NDUFB9: variants seen among roughly 807,000 people sequenced by gnomAD.
The protein encoded by NDUFB9 is NADH:ubiquinone oxidoreductase subunit B9.
In NDUFB9, 24 loss-of-function variants were observed where a neutral mutation model predicts 30.2. The ratio of observed to expected loss-of-function variants is 0.80; its 90% CI spans 0.58 to 1.12. The LOEUF (loss-of-function observed/expected upper bound fraction) is 1.12, where lower values mean the gene tolerates loss of function less well. NDUFB9 is among the 50% of genes most tolerant of loss of function. NDUFB9 has a pLI of 0.00. For synonymous variants in NDUFB9, 80 were observed against 84.0 expected (o/e 0.95, Z 0.26); for missense variants, 204 against 226.0 (o/e 0.90, Z 0.62).
At chr8:124,544,758 G>C (rs1384165787) in intron 2 of NDUFB9, among the ~76,000 whole-genome samples, 1 of 152,154 alleles carries the variant, frequency 6.6e-6, no homozygotes, top group Non-Finnish European at 1.5e-5. Flanking sequence ...TGCAGCCCAT[G>C]GATCAAGGAG....
chr8:124,545,102 A>G (rs772116230), intron 2 of NDUFB9, among the ~76,000 whole-genome samples: 27 of 152,236 alleles, frequency 1.8e-4, no homozygotes, highest in Admixed American at 2.0e-4. Flanking sequence ...TAATCTCATG[A>G]TAAATCTTGA....
chr8:124,547,150 G>A (rs768638019), intron 3 of NDUFB9, 37 bp downstream of exon 3: 5 of 1,515,164 alleles, frequency 3.3e-6, no homozygotes, highest in East Asian at 2.3e-5. Context: ...CCTTAGCTAT[G>A]TAGATGGAGT....
chr8:124,547,566 C>A (rs6987343), intron 3 of NDUFB9: 160,939 of 349,796 alleles, frequency 0.46, 38,139 homozygotes, highest in South Asian at 0.55. Flanking sequence ...AAAAGGTTGT[C>A]ATGACTAACA....
chr8:124,541,012 A>G (rs1821957286), intron 1 of NDUFB9, among the ~76,000 whole-genome samples: 1 of 152,148 alleles, frequency 6.6e-6, no homozygotes, highest in Non-Finnish European at 1.5e-5. Flanking sequence ...CTAAAAATAC[A>G]AAAATTAGCC....
At position 124,549,801 on chromosome 8, in the gene NDUFB9, T is replaced by C. The variant is rs774703197; in HGVS notation, c.449T>C (p.Leu150Ser). 9 of 1,614,066 alleles carry C rather than the reference T, an allele frequency of 5.6e-6. 1 individual carries two copies. The highest frequency in any genetic ancestry group is 3.3e-5 in the South Asian group (3 of 91,082). The change falls in exon 4 of 4, where the codon TTA becomes TCA. Residue 150 changes from leucine (L) to serine (S), a missense_variant. Coordinates refer to ENST00000276689, the MANE Select transcript of NDUFB9 (RefSeq NM_005005.3). ...GAGGAAACGCCACCTGGTGGTCCTT[T>C]AACTGAAGCTTTGCCCCCTGCCCGA... ...LQEETPPGGP[L>S]TEALPPARKE... is the part of the protein sequence containing the mutation.
In NDUFB9 at chr8:124,543,276, C is replaced by T; in HGVS notation, c.291C>T (p.Tyr97=). Residue 97 remains tyrosine (Y), a synonymous_variant, in exon 2 of 4, where the codon TAC becomes TAT. Coordinates refer to ENST00000276689, the MANE Select transcript of NDUFB9 (RefSeq NM_005005.3). ...CCTCCTATGAGAGATACGATTGCTACAAGGTAGGTGAGAATTATGATGACT... is the reference window on the plus strand; with the variant it reads ...CCTCCTATGAGAGATACGATTGCTATAAGGTAGGTGAGAATTATGATGACT... ...GGTSYERYDC[Y]KVPEWCLDDW... 1 of 1,613,124 alleles carries T rather than the reference C, an allele frequency of 6.2e-7. No individual in the cohort carries two copies. Among genetic ancestry groups the T allele is most frequent in the East Asian group, 2.2e-5 (1 of 44,872 alleles).
chr8:124,543,459 T>C (rs781649032), intron 2 of NDUFB9, among the ~76,000 whole-genome samples, 180 bp downstream of exon 2: 6 of 152,226 alleles, frequency 3.9e-5, no homozygotes, highest in Non-Finnish European at 7.3e-5. Context: ...TTGGCAGATA[T>C]TGTATTTTCA....
At chr8:124,546,720 G>A in intron 2 of NDUFB9, 1 of 516,408 alleles carries the variant, frequency 1.9e-6, no homozygotes, top group Admixed American at 3.2e-5. Context: ...AGACTACTCT[G>A]GATATTTAGA....
intron 3 of NDUFB9, among the ~76,000 whole-genome samples, chr8:124,547,773 G>A (rs1246702853): frequency 6.6e-6 from 1 of 152,068 alleles, no homozygotes; most frequent in Non-Finnish European, 1.5e-5. Context: ...GAGGTCAGGA[G>A]TTCATGACGA....
rs769415121 is a variant in NDUFB9, at chr8:124,539,180, C to T, written c.-7C>T. 4 of 1,613,992 alleles carry T rather than the reference C, an allele frequency of 2.5e-6. No individual in the cohort carries two copies. The highest frequency in any genetic ancestry group is 2.7e-5 in the African/African-American group (2 of 74,926). On this transcript the variant is annotated 5_prime_UTR_variant, in exon 1 of 4. Coordinates refer to ENST00000276689, the MANE Select transcript of NDUFB9 (RefSeq NM_005005.3). ...TCTCCGCGCGGCCGGGGAAGGTCAG[C>T]GCCGTAATGGCGTTCTTGGCGTCGG...
Position 124,543,267 on chromosome 8 carries a change from C to G in NDUFB9, c.282C>G (p.Tyr94Ter), listed in dbSNP as rs979268243. 3 of 1,613,360 alleles carry G rather than the reference C, an allele frequency of 1.9e-6. No individual in the cohort carries two copies. Among genetic ancestry groups the G allele is most frequent in the African/African-American group, 2.7e-5 (2 of 74,886 alleles). Residue 94 changes from tyrosine to a stop codon, truncating the protein, a stop_gained, in exon 2 of 4, where the codon TAC becomes TAG. Transcript: ENST00000276689. LOFTEE classifies it high-confidence loss of function. The stretch of plus-strand genomic sequence containing the variant: ...CTGGGGGCACCTCCTATGAGAGATA[C>G]GATTGCTACAAGGTAGGTGAGAATT... ...DSPGGTSYER[Y>*]DCYKVPEWCL...
At chr8:124,540,042 C>A (rs1456809335) in intron 1 of NDUFB9, among the ~76,000 whole-genome samples, 1 of 152,188 alleles carries the variant, frequency 6.6e-6, no homozygotes, top group African/African-American at 2.4e-5. Flanking sequence ...GCCTCGCCTC[C>A]ACTCCAGTCT....
chr8:124,543,164 C>T lies in NDUFB9; in HGVS notation c.179C>T (p.Ala60Val), dbSNP rs1322011633. The T allele has an allele frequency of 6.2e-7, 1 of 1,614,086 alleles. No individual in the cohort carries two copies. The highest frequency in any genetic ancestry group is 8.5e-7 in the Non-Finnish European group (1 of 1,180,018). ...AAGAATGAAAAGGATATGGCGAAGG[C>T]CACCCAGCTGCTGAAGGAGGCCGAG... ...EHKNEKDMAK[A>V]TQLLKEAEEE... Residue 60 changes from alanine (A) to valine (V), a missense_variant, in exon 2 of 4, where the codon GCC becomes GTC. Physicochemically the swap from Ala to Val is moderately conservative, Grantham distance 64. Transcript: ENST00000276689.
chr8:124,547,396 C>T (rs1240679980), intron 3 of NDUFB9: 1 of 603,534 alleles, frequency 1.7e-6, no homozygotes, highest in African/African-American at 1.9e-5. Context: ...TACTTTCCCT[C>T]AACCTGCCTC....
chr8:124,539,440 A>T (rs1475888343), intron 1 of NDUFB9, 153 bp downstream of exon 1: 2 of 707,058 alleles, frequency 2.8e-6, no homozygotes, highest in Non-Finnish European at 4.9e-6. Flanking sequence ...CCCGGGTTCA[A>T]ATCCAGGCTT....
chr8:124,545,711 G>T (rs1822138572), intron 2 of NDUFB9, among the ~76,000 whole-genome samples: 2 of 152,104 alleles, frequency 1.3e-5, no homozygotes, highest in Non-Finnish European at 2.9e-5. Flanking sequence ...TTTATTTTTT[G>T]TAGAGATGGA....
chr8:124,546,028 G>A (rs554594116), intron 2 of NDUFB9, among the ~76,000 whole-genome samples: 1 of 152,286 alleles, frequency 6.6e-6, no homozygotes, highest in African/African-American at 2.4e-5. Context: ...TTTTAGTAGA[G>A]ACAGCGTTTC....
intron 1 of NDUFB9, 92 bp downstream of exon 1, chr8:124,539,379 C>T: frequency 1.7e-6 from 2 of 1,167,226 alleles, no homozygotes; most frequent in Non-Finnish European, 1.3e-6. Flanking sequence ...TCAAGGACTT[C>T]GGGAACGGAA....
intron 3 of NDUFB9, chr8:124,547,561 G>T: frequency 2.7e-6 from 1 of 374,790 alleles, no homozygotes; most frequent in South Asian, 3.1e-5. Context: ...TAGTCAAAAG[G>T]TTGTCATGAC....
Sources: allele counts gnomAD v4.1 joint callset (sites outside exome capture counted in the v4.1 genomes callset), GRCh38; gene constraint gnomAD v4.1.1; transcripts MANE v1.5; gene names NCBI Gene and HGNC (gene_info 2026-07-23, HGNC 2026-07-21).